The following EHF variants were observed in gnomAD, a reference collection of about 807,000 sequenced individuals.
EHF encodes ETS homologous factor, also known as ESE3 transcription factor.
In EHF, 14 loss-of-function variants were observed where a neutral mutation model predicts 45.1. That is an observed-to-expected ratio of 0.31 (90% confidence interval 0.21 to 0.49). The LOEUF is 0.49. Among genes scored for constraint, EHF ranks in the 20% least tolerant of loss-of-function variants. The pLI, the probability that EHF is intolerant of heterozygous loss-of-function variation, is 0.99. For missense variants in EHF, 282 were observed against 371.4 expected, an observed-to-expected ratio of 0.76 and a Z score of 1.98; for synonymous variants, 136 against 131.8, an observed-to-expected ratio of 1.03 and a Z score of -0.22.
intron 1 of EHF, chr11:34,631,710 G>A (rs1852906199): frequency 6.2e-6 from 2 of 323,156 alleles, no homozygotes; most frequent in South Asian, 1.2e-4. Context: ...TTTTTGCCCA[G>A]GGCTGGATGT....
At chr11:34,632,693 C>G in intron 1 of EHF, 1 of 1,533,388 alleles carries the variant, frequency 6.5e-7, no homozygotes, top group Non-Finnish European at 8.7e-7. Context: ...GCCCGGCTCT[C>G]TCTGCTCTTG....
chr11:34,623,452 T>C (rs1455414807), intron 1 of EHF, among the ~76,000 whole-genome samples: 1 of 152,180 alleles, frequency 6.6e-6, no homozygotes, highest in African/African-American at 2.4e-5. Context: ...TTGGCCTTTG[T>C]GGACGTCAGG....
At chr11:34,622,507 A>C in intron 1 of EHF, 2 of 630,710 alleles carry the variant, frequency 3.2e-6, no homozygotes, top group Non-Finnish European at 4.5e-6. Context: ...TCAGGGGAAA[A>C]ATTTATTTCT....
chr11:34,642,006 A>G (rs1854046689), intron 1 of EHF: 1 of 152,194 alleles, frequency 6.6e-6, no homozygotes, highest in African/African-American at 2.4e-5. Flanking sequence ...TTTCTTTACC[A>G]GAAATGGGCA....
At chr11:34,640,961 A>G (rs758004444) in intron 1 of EHF, among the ~76,000 whole-genome samples, 12 of 152,118 alleles carry the variant, frequency 7.9e-5, no homozygotes, top group East Asian at 1.9e-4. Flanking sequence ...GATTAGCTGC[A>G]TTTTGCATAT....
intron 1 of EHF, among the ~76,000 whole-genome samples, chr11:34,628,075 CCCA>C (rs1231853154): frequency 6.6e-6 from 1 of 151,934 alleles, no homozygotes; most frequent in Non-Finnish European, 1.5e-5. Flanking sequence ...ATGGCGAAAC[CCCA>C]TCTCTACTAA....
At chr11:34,621,892 C>A (rs1453110085) in intron 1 of EHF, among the ~76,000 whole-genome samples, 1 of 152,162 alleles carries the variant, frequency 6.6e-6, no homozygotes, top group African/African-American at 2.4e-5. Flanking sequence ...AACAAGGGGA[C>A]AAGCTAACCC....
intron 6 of EHF, among the ~76,000 whole-genome samples, chr11:34,655,560 C>T (rs1400652160): frequency 6.6e-6 from 1 of 152,166 alleles, no homozygotes; most frequent in Non-Finnish European, 1.5e-5. Flanking sequence ...CTCCACATTC[C>T]AGCTGTGTGA....
chr11:34,649,116 CT>C, intron 4 of EHF, 35 bp downstream of exon 4: 1 of 1,609,502 alleles, frequency 6.2e-7, no homozygotes, highest in Non-Finnish European at 8.5e-7. Flanking sequence ...CCAACCTAGC[CT>C]GGCAAAGCTC....
intron 2 of EHF, among the ~76,000 whole-genome samples, chr11:34,644,311 T>C (rs1854304837): frequency 6.6e-6 from 1 of 152,186 alleles, no homozygotes. Context: ...AGCCACAAAA[T>C]ATATATCCCA....
chr11:34,625,270 G>A (rs772415383), intron 1 of EHF, among the ~76,000 whole-genome samples: 8 of 152,156 alleles, frequency 5.3e-5, no homozygotes, highest in Non-Finnish European at 5.9e-5. Context: ...TTGCCAATTT[G>A]CCTCATGTGT....
At chr11:34,656,818 A>T in intron 6 of EHF, 90 bp from the exon 7 acceptor site, 1 of 1,441,658 alleles carries the variant, frequency 6.9e-7, no homozygotes, top group South Asian at 1.2e-5. Flanking sequence ...GTAGGTGCTC[A>T]GTAAATATTG....
intron 1 of EHF, among the ~76,000 whole-genome samples, chr11:34,636,296 G>A (rs1853397024): frequency 6.6e-6 from 1 of 152,184 alleles, no homozygotes. Context: ...GAGGTCCTGA[G>A]AAGTTAAATA....
At chr11:34,637,954 T>G (rs1214276847) in intron 1 of EHF, among the ~76,000 whole-genome samples, 1 of 151,006 alleles carries the variant, frequency 6.6e-6, no homozygotes, top group Non-Finnish European at 1.5e-5. Context: ...CAGGCTGGAG[T>G]ACAGTGGCTC....
rs554716773 is a variant in EHF at position 34,641,054 on chromosome 11, G to A, written c.-3-1574G>A. Among the ~76,000 whole-genome samples the A allele has an allele frequency of 3.5e-4, 53 of 152,268 alleles. 1 individual carries two copies. The South Asian group carries it at 7.5e-3, about 21-fold the overall frequency. On this transcript the variant is annotated intron_variant, in intron 1 of 8. Transcript: ENST00000257831. ...CTAGTAAGTAGGAAGGCTTGGAATC[G>A]ACCCCAGCTCTTCTGGCTTCAAAGC...
chr11:34,638,511 G>A (rs543083104), intron 1 of EHF, among the ~76,000 whole-genome samples: 6 of 152,282 alleles, frequency 3.9e-5, no homozygotes, highest in Admixed American at 6.5e-5. Flanking sequence ...AGTTTGTCAC[G>A]TCAGTAAGAG....
In EHF at chr11:34,649,046, C is replaced by T; in HGVS notation, c.371C>T (p.Ser124Phe). Residue 124 changes from serine to phenylalanine, a missense_variant, in exon 4 of 9, where the codon TCC becomes TTC. By Grantham distance (155) the Ser-to-Phe change is radical. This residue lies in a region of EHF where 213 missense variants were observed against 247.3 expected (regional missense o/e 0.86). Coordinates refer to ENST00000257831, the MANE Select transcript of EHF (RefSeq NM_012153.6). ...CAGTGCAGTAGTGACCTGTTCCAGT[C>T]CACACACAATGTCATTGTCAAGACT... Reference protein sequence around the residue: ...NGQCSSDLFQSTHNVIVKTEQ... With the variant: ...NGQCSSDLFQFTHNVIVKTEQ... The T allele has an allele frequency of 1.2e-6, 2 of 1,613,994 alleles. No individual in the cohort carries two copies. The highest frequency in any genetic ancestry group is 8.5e-7 in the Non-Finnish European group (1 of 1,179,940).
Position 34,644,828 on chromosome 11 carries a change from A to G in EHF, c.98-1611A>G, listed in dbSNP as rs1367818670. Among the ~76,000 whole-genome samples, 3 of 152,244 alleles carry G rather than the reference A, an allele frequency of 2.0e-5. No homozygotes were observed. In the East Asian group the frequency reaches 5.8e-4, roughly 29 times the overall value. ...CATGGAAGCTTGCTAGGAATGCAGA[A>G]ACTCAGGCCTTGCCCCAGACCTGTT... On this transcript the variant is annotated intron_variant, in intron 2 of 8. Coordinates refer to ENST00000257831, the MANE Select transcript of EHF (RefSeq NM_012153.6).
chr11:34,623,070 A>G (rs1052577268), intron 1 of EHF, among the ~76,000 whole-genome samples: 5 of 152,016 alleles, frequency 3.3e-5, no homozygotes, highest in Admixed American at 2.0e-4. Context: ...AAAAGCACCT[A>G]TTTGTTCAAT....
Sources: allele counts gnomAD v4.1 joint callset (sites outside exome capture counted in the v4.1 genomes callset), GRCh38; gene constraint gnomAD v4.1.1; regional missense constraint gnomAD v4.1.1; transcripts MANE v1.5; gene names NCBI Gene and HGNC (gene_info 2026-07-23, HGNC 2026-07-21).